The following LOC128125822 variants were observed in gnomAD, a reference collection of about 807,000 sequenced individuals.
the LOC128125822 span, chr6:63,579,400 A>G: frequency 8.8e-7 from 1 of 1,137,060 alleles, no homozygotes; most frequent in East Asian, 2.6e-5. Flanking sequence ...TGAGTTTAAT[A>G]GTCTAATAGC....
the LOC128125822 span, among the ~76,000 whole-genome samples, chr6:63,577,311 A>G: frequency 3.9e-5 from 6 of 152,294 alleles, no homozygotes; most frequent in Non-Finnish European, 8.8e-5. Flanking sequence ...GCTTAACCTA[A>G]TGACTAATGC....
At chr6:63,575,830 G>A in the LOC128125822 span, among the ~76,000 whole-genome samples, 3 of 152,028 alleles carry the variant, frequency 2.0e-5, no homozygotes, top group Non-Finnish European at 2.9e-5. Flanking sequence ...GATTGTTAAG[G>A]ATAAAGTGAG....
At chr6:63,572,975 C>G in the LOC128125822 span, among the ~76,000 whole-genome samples, 1 of 152,142 alleles carries the variant, frequency 6.6e-6, no homozygotes, top group Non-Finnish European at 1.5e-5. Flanking sequence ...TTTTGAGTCC[C>G]TCCCGAGCCC....
At chr6:63,582,410 T>A in the LOC128125822 span, 2 of 152,568 alleles carry the variant, frequency 1.3e-5, no homozygotes, top group South Asian at 4.1e-4. Flanking sequence ...AATAAATTAA[T>A]TTACTTTATA....
At chr6:63,580,427 C>G in the LOC128125822 span, 48 of 398,098 alleles carry the variant, frequency 1.2e-4, no homozygotes, top group Non-Finnish European at 1.9e-4. Context: ...ATCAATTGAC[C>G]TTTCCCCAAA....
chr6:63,574,233 G>A, the LOC128125822 span, among the ~76,000 whole-genome samples: 1 of 152,182 alleles, frequency 6.6e-6, no homozygotes, highest in African/African-American at 2.4e-5. Context: ...AATTGTTTGT[G>A]ACAAAGGAGT....
chr6:63,574,988 G>A, the LOC128125822 span, among the ~76,000 whole-genome samples: 1 of 152,082 alleles, frequency 6.6e-6, no homozygotes, highest in Non-Finnish European at 1.5e-5. Flanking sequence ...CTTTTTTATG[G>A]GACCTTTTGA....
At chr6:63,577,897 T>C in the LOC128125822 span, among the ~76,000 whole-genome samples, 1 of 150,010 alleles carries the variant, frequency 6.7e-6, no homozygotes, top group African/African-American at 2.4e-5. Context: ...TAGTATATTA[T>C]ATTAGTAATA....
At chr6:63,573,827 G>A in the LOC128125822 span, among the ~76,000 whole-genome samples, 1 of 152,178 alleles carries the variant, frequency 6.6e-6, no homozygotes, top group Non-Finnish European at 1.5e-5. Flanking sequence ...AGGACTTCCC[G>A]TCCGGGCACC....
the LOC128125822 span, chr6:63,578,614 A>G: frequency 6.6e-7 from 1 of 1,505,132 alleles, no homozygotes; most frequent in Non-Finnish European, 8.9e-7. Context: ...ATATCTATTT[A>G]AGTCATAAAT....
chr6:63,582,193 T>G, the LOC128125822 span: 2 of 144,634 alleles, frequency 1.4e-5, no homozygotes, highest in Admixed American at 1.4e-4. Flanking sequence ...TGAGGTTTTG[T>G]TTTTTTTTTA....
At chr6:63,581,609 C>T in the LOC128125822 span, 1 of 152,062 alleles carries the variant, frequency 6.6e-6, no homozygotes, top group Non-Finnish European at 1.5e-5. Context: ...TTGTTAGGGT[C>T]ATTCATGAAA....
the LOC128125822 span, among the ~76,000 whole-genome samples, chr6:63,578,140 TGAC>T: frequency 6.6e-6 from 1 of 152,170 alleles, no homozygotes; most frequent in South Asian, 2.1e-4. Context: ...GGTATTACCA[TGAC>T]TGTAAACAAC....
chr6:63,579,156 G>T, the LOC128125822 span: 1 of 1,379,920 alleles, frequency 7.2e-7, no homozygotes, highest in East Asian at 2.5e-5. Flanking sequence ...TAAATAGGAA[G>T]GGTGGTAGAT....
the LOC128125822 span, among the ~76,000 whole-genome samples, chr6:63,572,871 G>T: frequency 2.6e-5 from 4 of 152,144 alleles, no homozygotes; most frequent in Admixed American, 1.3e-4. Flanking sequence ...GCGGGTTATG[G>T]CCCTGTGGCC....
the LOC128125822 span, chr6:63,581,155 T>G: frequency 2.0e-5 from 3 of 152,424 alleles, no homozygotes; most frequent in Non-Finnish European, 4.4e-5. Context: ...TTTTTTTTCC[T>G]TCCCAACCTC....
At chr6:63,579,440 A>G in the LOC128125822 span, 3 of 762,846 alleles carry the variant, frequency 3.9e-6, no homozygotes, top group East Asian at 9.5e-5. Context: ...ATTTTTTGAG[A>G]TAGTATTAAA....
the LOC128125822 span, chr6:63,582,132 A>G: frequency 1.3e-5 from 2 of 152,050 alleles, no homozygotes; most frequent in Non-Finnish European, 2.9e-5. Context: ...GGTTATTTAA[A>G]TCTTGGATTA....
At chr6:63,578,399 TTAAACATTAAGATTTTTTTAATG>T in the LOC128125822 span, 1 of 1,587,928 alleles carries the variant, frequency 6.3e-7, no homozygotes. Flanking sequence ...AGTGATGTGG[TTAAACATTAAGATTTTTTTAATG>T]TACGTTTTAT....
Sources: gnomAD v4.1 joint callset for allele counts (sites outside exome capture counted in the v4.1 genomes callset) on GRCh38, gnomAD v4.1.1 for gene constraint, MANE v1.5 for transcripts.